The following AFF3 variants were observed in gnomAD, a reference collection of about 807,000 sequenced individuals.
AFF3 encodes the protein AF4/FMR2 family member 3.
In AFF3, 32 loss-of-function variants were observed where a neutral mutation model predicts 129.7. The observed-to-expected ratio is 0.25, with a 90% CI of 0.19 to 0.33. The LOEUF is 0.33. Among genes scored for constraint, AFF3 ranks in the 10% least tolerant of loss-of-function variants. The pLI is 1.00. For missense variants in AFF3, 1,373 were observed against 1,592.0 expected, an observed-to-expected ratio of 0.86 and a Z score of 2.34; for synonymous variants, 644 against 635.4, an observed-to-expected ratio of 1.01 and a Z score of -0.20.
At chr2:100,104,730 C>T (rs1691100233) in intron 3 of AFF3, 1 of 968,864 alleles carries the variant, frequency 1.0e-6, no homozygotes, top group Non-Finnish European at 1.2e-6. Context: ...GCGCCGCCGC[C>T]GCCCCCCGCC....
chr2:99,777,803 T>C (rs1684029200), intron 8 of AFF3, among the ~76,000 whole-genome samples: 1 of 151,726 alleles, frequency 6.6e-6, no homozygotes, highest in South Asian at 2.1e-4. Context: ...CACAGACAAG[T>C]TGGCTGCCTT....
chr2:99,915,245 A>G (rs1245962229), intron 7 of AFF3, among the ~76,000 whole-genome samples: 1 of 152,234 alleles, frequency 6.6e-6, no homozygotes, highest in Non-Finnish European at 1.5e-5. Context: ...AGCAGTTAAC[A>G]TAAAAAAAAA....
At chr2:100,054,976 T>C (rs1559091108) in intron 4 of AFF3, among the ~76,000 whole-genome samples, 1 of 152,170 alleles carries the variant, frequency 6.6e-6, no homozygotes. Flanking sequence ...GCAGATACAG[T>C]AGAAATTTTA....
At chr2:100,078,978 T>G (rs570202304) in intron 4 of AFF3, among the ~76,000 whole-genome samples, 1 of 149,690 alleles carries the variant, frequency 6.7e-6, no homozygotes, top group African/African-American at 2.5e-5. Context: ...AGTCTCACTC[T>G]GTTGCCTAGG....
chr2:99,950,384 T>C (rs1416285629), intron 7 of AFF3, among the ~76,000 whole-genome samples: 1 of 152,110 alleles, frequency 6.6e-6, no homozygotes, highest in Non-Finnish European at 1.5e-5. Context: ...TGTGGGTGAA[T>C]ATGTGGTAGA....
intron 8 of AFF3, among the ~76,000 whole-genome samples, chr2:99,810,828 C>T (rs1398047868): frequency 6.6e-6 from 1 of 152,178 alleles, no homozygotes; most frequent in South Asian, 2.1e-4. Context: ...GTTCTTGCTC[C>T]TTGCAATTTC....
At chr2:100,048,997 A>G (rs1227703219) in intron 4 of AFF3, among the ~76,000 whole-genome samples, 3 of 152,192 alleles carry the variant, frequency 2.0e-5, no homozygotes, top group Admixed American at 2.0e-4. Flanking sequence ...TGGCTTCCAA[A>G]GCACAACTGC....
chr2:99,826,869 G>A (rs774325047), intron 8 of AFF3, among the ~76,000 whole-genome samples: 2 of 152,096 alleles, frequency 1.3e-5, no homozygotes, highest in African/African-American at 4.8e-5. Flanking sequence ...GGAGGCAGAG[G>A]GCTGGCAAGC....
intron 22 of AFF3, among the ~76,000 whole-genome samples, chr2:99,555,654 A>G (rs1217210731): frequency 6.6e-6 from 1 of 152,234 alleles, no homozygotes. Context: ...TAAGGGAGAA[A>G]GCGGTCTTTG....
At chr2:99,633,940 A>C in intron 13 of AFF3, among the ~76,000 whole-genome samples, 1 of 107,846 alleles carries the variant, frequency 9.3e-6, no homozygotes, top group South Asian at 3.0e-4. Flanking sequence ...TTTGAGATGG[A>C]GTCTCGCTCT....
rs773572168 is a variant in AFF3 at position 99,554,491 on chromosome 2, C to T, written c.3379G>A (p.Ala1127Thr). The part of the protein sequence containing the change: ...PSPMSPNPSP[A>T]SSVGSQGSLS... Reference sequence around the variant, plus strand: ...CTGCCCTGAGACCCCACGGAGCTGGCGGGAGAGGGGTTGGGAGACATGGGG... The same window carrying T: ...CTGCCCTGAGACCCCACGGAGCTGGTGGGAGAGGGGTTGGGAGACATGGGG... Residue 1127 changes from alanine to threonine, a missense_variant, in exon 24 of 25, where the codon GCC becomes ACC. Physicochemically the swap from Ala to Thr is moderately conservative, Grantham distance 58. This residue lies in a region of AFF3 where 165 missense variants were observed against 234.0 expected (regional missense o/e 0.71). Coordinates refer to ENST00000672756, the MANE Select transcript of AFF3 (RefSeq NM_001386135.1). 5.0e-6 allele frequency: 8 copies of T among 1,613,380 alleles called. No individual in the cohort carries two copies. Among genetic ancestry groups the T allele is most frequent in the South Asian group, 3.3e-5 (3 of 91,048 alleles).
At chr2:99,716,270 C>G (rs1678372526) in intron 11 of AFF3, among the ~76,000 whole-genome samples, 1 of 152,126 alleles carries the variant, frequency 6.6e-6, no homozygotes, top group Non-Finnish European at 1.5e-5. Context: ...ATTTCAATTA[C>G]TTGATCTTCT....
intron 4 of AFF3, among the ~76,000 whole-genome samples, chr2:100,035,915 T>C (rs1197016034): frequency 1.3e-5 from 2 of 151,964 alleles, no homozygotes; most frequent in Non-Finnish European, 2.9e-5. Context: ...GTTACAATAG[T>C]ACACTGCAAG....
At chr2:99,765,991 C>G (rs1211269162) in intron 8 of AFF3, among the ~76,000 whole-genome samples, 3 of 152,188 alleles carry the variant, frequency 2.0e-5, no homozygotes, top group Non-Finnish European at 4.4e-5. Flanking sequence ...GTTTGGGGCT[C>G]TACAGATTAG....
At chr2:99,998,212 A>G (rs750657415) in intron 7 of AFF3, among the ~76,000 whole-genome samples, 12 of 152,258 alleles carry the variant, frequency 7.9e-5, no homozygotes, top group Non-Finnish European at 1.8e-4. Context: ...TGAAATCGCC[A>G]GCAATTAAGA....
intron 11 of AFF3, among the ~76,000 whole-genome samples, chr2:99,724,525 G>C (rs547434565): frequency 4.0e-4 from 61 of 151,906 alleles, no homozygotes; most frequent in African/African-American, 1.4e-3. Flanking sequence ...CACCCACCTG[G>C]GCCTCCCAAA....
intron 10 of AFF3, among the ~76,000 whole-genome samples, chr2:99,734,748 T>G (rs1428867346): frequency 6.6e-6 from 1 of 152,114 alleles, no homozygotes; most frequent in Non-Finnish European, 1.5e-5. Flanking sequence ...TAAAATATAT[T>G]TTGTACTTGG....
chr2:99,938,622 G>T (rs778766985), intron 7 of AFF3, among the ~76,000 whole-genome samples: 17 of 152,108 alleles, frequency 1.1e-4, no homozygotes, highest in Non-Finnish European at 2.2e-4. Flanking sequence ...TAATGTGGGT[G>T]GGCCTCATCC....
intron 13 of AFF3, among the ~76,000 whole-genome samples, chr2:99,638,756 C>A (rs886574452): frequency 2.0e-5 from 3 of 152,142 alleles, no homozygotes; most frequent in African/African-American, 7.2e-5. Flanking sequence ...TTTGCTCTTA[C>A]CCCCCACCGC....
Sources: allele counts gnomAD v4.1 joint callset (sites outside exome capture counted in the v4.1 genomes callset), GRCh38; gene constraint gnomAD v4.1.1; regional missense constraint gnomAD v4.1.1; transcripts MANE v1.5; gene names NCBI Gene and HGNC (gene_info 2026-07-23, HGNC 2026-07-21).